Variants in LIN28B observed in about 807,000 individuals in gnomAD.
LIN28B encodes protein lin-28 homolog B.
A neutral mutation model predicts 21.9 loss-of-function variants in LIN28B; 5 were observed. The ratio of observed to expected loss-of-function variants is 0.23; its 90% CI spans 0.12 to 0.48. LIN28B has a LOEUF of 0.48. Among genes scored for constraint, LIN28B ranks in the 20% least tolerant of loss-of-function variants. LIN28B has a pLI of 0.98. For missense variants in LIN28B, 245 were observed against 310.5 expected (o/e 0.79, Z 1.58); for synonymous variants, 109 against 111.3 (o/e 0.98, Z 0.13).
chr6:105,017,748 G>A (rs1771057796), intron 2 of LIN28B, among the ~76,000 whole-genome samples: 1 of 151,980 alleles, frequency 6.6e-6, no homozygotes, highest in South Asian at 2.1e-4. Flanking sequence ...GAGAAGGAGG[G>A]GAGGGAGAGG....
intron 3 of LIN28B, among the ~76,000 whole-genome samples, chr6:105,077,417 C>T (rs935124658): frequency 2.6e-5 from 4 of 152,038 alleles, no homozygotes; most frequent in Non-Finnish European, 5.9e-5. Context: ...GTTTCTTCCA[C>T]TAATGGTTTT....
chr6:105,020,534 G>T (rs1196565694), intron 2 of LIN28B, among the ~76,000 whole-genome samples: 1 of 151,724 alleles, frequency 6.6e-6, no homozygotes, highest in East Asian at 1.9e-4. Context: ...GCACAGGCTG[G>T]CCTAGAACTC....
intron 2 of LIN28B, among the ~76,000 whole-genome samples, chr6:105,023,994 T>G (rs1167855513): frequency 6.6e-6 from 1 of 151,890 alleles, no homozygotes; most frequent in African/African-American, 2.4e-5. Flanking sequence ...TTGGTTGTTT[T>G]TTTTTGAGAC....
At chr6:104,999,611 A>C (rs1194474234) in intron 2 of LIN28B, among the ~76,000 whole-genome samples, 1 of 152,212 alleles carries the variant, frequency 6.6e-6, no homozygotes, top group Non-Finnish European at 1.5e-5. Flanking sequence ...CATCAATGTA[A>C]TGGCATGTAT....
chr6:105,058,326 T>G (rs1018250400), intron 3 of LIN28B, among the ~76,000 whole-genome samples: 3 of 152,194 alleles, frequency 2.0e-5, no homozygotes, highest in Non-Finnish European at 2.9e-5. Context: ...TTCCCTTCTT[T>G]GAGGTAACTA....
rs752610596 is a variant in LIN28B at position 105,078,588 on chromosome 6, A to G, written c.558A>G (p.Pro186=). 5.0e-6 allele frequency: 8 copies of G among 1,614,044 alleles called. No homozygotes were observed. The South Asian group carries it at 7.7e-5, about 16-fold the overall frequency. The change falls in exon 4 of 4, where the codon CCA becomes CCG. Residue 186 remains proline, a synonymous_variant. Transcript: ENST00000345080. ...GAAGACAGGAAGCAGAATCCCAGCCATGCACTTCAACTCTCCCTCGAGAAG... is the reference window on the plus strand; with the variant it reads ...GAAGACAGGAAGCAGAATCCCAGCCGTGCACTTCAACTCTCCCTCGAGAAG... ...SQGRQEAESQ[P]CTSTLPREVG...
intron 2 of LIN28B, among the ~76,000 whole-genome samples, chr6:104,974,173 G>A (rs956667588): frequency 2.6e-5 from 4 of 152,058 alleles, no homozygotes; most frequent in African/African-American, 9.7e-5. Context: ...TGTGAAGTTG[G>A]TTGTTTTCCA....
At position 105,043,225 on chromosome 6, in the gene LIN28B, G is replaced by A. The variant is rs538998045; in HGVS notation, c.383+16743G>A. ...GTGGATCACTTGAGATCAGGAGTTCGAGACCAGCCTGGCCAGCATGGTGAA... is the reference window on the plus strand; with the variant it reads ...GTGGATCACTTGAGATCAGGAGTTCAAGACCAGCCTGGCCAGCATGGTGAA... On this transcript the variant is annotated intron_variant, in intron 3 of 3. Transcript: ENST00000345080. Among the ~76,000 whole-genome samples the A allele has an allele frequency of 1.3e-4, 20 of 151,506 alleles. 1 individual carries two copies. The South Asian group carries it at 1.9e-3, about 14-fold the overall frequency.
At chr6:104,994,829 C>T (rs533112403) in intron 2 of LIN28B, among the ~76,000 whole-genome samples, 10 of 152,266 alleles carry the variant, frequency 6.6e-5, no homozygotes, top group Non-Finnish European at 1.2e-4. Context: ...ATTGAAAGGT[C>T]GGCTTTAAAC....
At chr6:105,019,214 C>T (rs1771087288) in intron 2 of LIN28B, among the ~76,000 whole-genome samples, 1 of 152,178 alleles carries the variant, frequency 6.6e-6, no homozygotes, top group African/African-American at 2.4e-5. Flanking sequence ...TCCCAAAATG[C>T]TGGGATTACA....
chr6:104,975,716 T>TGATCA (rs1013253743), intron 2 of LIN28B, among the ~76,000 whole-genome samples: 2 of 151,948 alleles, frequency 1.3e-5, no homozygotes, highest in African/African-American at 2.4e-5. Flanking sequence ...TGGTGTGGTG[T>TGATCA]GATCATGGCT....
intron 3 of LIN28B, among the ~76,000 whole-genome samples, chr6:105,069,450 T>C (rs1772287563): frequency 6.6e-6 from 1 of 151,994 alleles, no homozygotes; most frequent in Non-Finnish European, 1.5e-5. Context: ...ATTTGCTGGG[T>C]GCAGTGGCTC....
At chr6:105,067,831 A>C (rs143297185) in intron 3 of LIN28B, among the ~76,000 whole-genome samples, 46 of 152,298 alleles carry the variant, frequency 3.0e-4, no homozygotes, top group African/African-American at 1.1e-3. Flanking sequence ...GTTTATAGCT[A>C]TGCCTGATTG....
At chr6:104,937,476 T>C (rs1243419593) in intron 2 of LIN28B, among the ~76,000 whole-genome samples, 2 of 151,818 alleles carry the variant, frequency 1.3e-5, no homozygotes, top group East Asian at 3.9e-4. Context: ...TGCTGGTCAG[T>C]CTGGTCTCCA....
chr6:104,943,703 TTAAA>T (rs1485286077), intron 2 of LIN28B, among the ~76,000 whole-genome samples: 1 of 152,194 alleles, frequency 6.6e-6, no homozygotes, highest in African/African-American at 2.4e-5. Context: ...TTTTTTTTGT[TTAAA>T]TACTTTTGAA....
chr6:104,939,766 A>T (rs1322256856), intron 2 of LIN28B, among the ~76,000 whole-genome samples: 1 of 152,212 alleles, frequency 6.6e-6, no homozygotes, highest in East Asian at 1.9e-4. Flanking sequence ...TTGCTGAAAT[A>T]TTTAATCCCT....
intron 2 of LIN28B, among the ~76,000 whole-genome samples, chr6:105,014,230 T>C (rs314271): frequency 0.65 from 98,083 of 152,032 alleles, 31,907 homozygotes; most frequent in South Asian, 0.71. Flanking sequence ...TCACTACAGC[T>C]TCAACCTCTT....
intron 2 of LIN28B, among the ~76,000 whole-genome samples, chr6:104,986,568 ATTG>A (rs1770350561): frequency 6.8e-6 from 1 of 146,184 alleles, no homozygotes; most frequent in Non-Finnish European, 1.5e-5. Context: ...GGGGGTTTTG[ATTG>A]TGAATGCTTT....
At chr6:105,032,999 T>G (rs2114352667) in intron 3 of LIN28B, among the ~76,000 whole-genome samples, 1 of 152,300 alleles carries the variant, frequency 6.6e-6, no homozygotes, top group East Asian at 1.9e-4. Flanking sequence ...GGCTTGTCGT[T>G]TCAATCTCTT....
Sources: gnomAD v4.1 joint callset for allele counts (sites outside exome capture counted in the v4.1 genomes callset) on GRCh38, gnomAD v4.1.1 for gene constraint, MANE v1.5 for transcripts, NCBI Gene and HGNC (gene_info 2026-07-23, HGNC 2026-07-21) for gene names.